Variants in ARB2A observed in about 807,000 individuals in gnomAD.
The protein encoded by ARB2A is cotranscriptional regulator ARB2A.
the ARB2A span, among the ~76,000 whole-genome samples, chr5:93,889,932 T>A: frequency 1.3e-5 from 2 of 151,890 alleles, no homozygotes; most frequent in Non-Finnish European, 2.9e-5. Context: ...AGCAAATAAG[T>A]TATAGTATGA....
the ARB2A span, chr5:93,741,736 C>A: frequency 2.7e-6 from 2 of 735,710 alleles, no homozygotes; most frequent in Non-Finnish European, 2.1e-6. Context: ...CTCCTGGGTC[C>A]TAGGGTTAAG....
chr5:93,994,080 G>A, the ARB2A span, among the ~76,000 whole-genome samples: 2 of 151,968 alleles, frequency 1.3e-5, no homozygotes, highest in South Asian at 2.1e-4. Flanking sequence ...AAAAATTGGT[G>A]TGGCCAATAT....
At chr5:93,839,918 T>C in the ARB2A span, among the ~76,000 whole-genome samples, 1 of 152,128 alleles carries the variant, frequency 6.6e-6, no homozygotes, top group African/African-American at 2.4e-5. Flanking sequence ...TTCTCTCTTA[T>C]TTTCATTATC....
the ARB2A span, among the ~76,000 whole-genome samples, chr5:93,826,405 G>A: frequency 1.3e-5 from 2 of 152,010 alleles, no homozygotes; most frequent in East Asian, 1.9e-4. Flanking sequence ...TTCTCTCTAT[G>A]TCTATCTGTC....
chr5:93,722,574 C>T, the ARB2A span, among the ~76,000 whole-genome samples: 9 of 152,136 alleles, frequency 5.9e-5, no homozygotes, highest in East Asian at 7.7e-4. Context: ...AAACTAACTA[C>T]AGGAACAACA....
chr5:94,106,619 T>G, the ARB2A span, among the ~76,000 whole-genome samples: 8 of 152,132 alleles, frequency 5.3e-5, no homozygotes, highest in Non-Finnish European at 7.4e-5. Flanking sequence ...GCAATCCCAT[T>G]CCTGGGTACC....
the ARB2A span, among the ~76,000 whole-genome samples, chr5:94,027,511 C>T: frequency 6.6e-6 from 1 of 152,102 alleles, no homozygotes; most frequent in Non-Finnish European, 1.5e-5. Flanking sequence ...AGGACTGGGT[C>T]TGGAGAACTT....
At chr5:93,916,292 A>AAT in the ARB2A span, among the ~76,000 whole-genome samples, 2 of 152,132 alleles carry the variant, frequency 1.3e-5, no homozygotes, top group East Asian at 3.8e-4. Context: ...ACTAAGTGAG[A>AAT]AACAGAAACT....
chr5:93,933,298 C>T, the ARB2A span, among the ~76,000 whole-genome samples: 1 of 152,162 alleles, frequency 6.6e-6, no homozygotes, highest in African/African-American at 2.4e-5. Flanking sequence ...TATCCCATGA[C>T]TGGGTATATA....
At chr5:93,991,360 A>G in the ARB2A span, among the ~76,000 whole-genome samples, 2 of 152,148 alleles carry the variant, frequency 1.3e-5, no homozygotes, top group African/African-American at 4.8e-5. Flanking sequence ...CCAGACACTC[A>G]TCAACATAAT....
chr5:93,851,403 C>T, the ARB2A span, among the ~76,000 whole-genome samples: 1 of 152,094 alleles, frequency 6.6e-6, no homozygotes, highest in Admixed American at 6.6e-5. Flanking sequence ...AATTTCAGTT[C>T]TCATAGAGAT....
At chr5:93,851,791 T>A in the ARB2A span, among the ~76,000 whole-genome samples, 2 of 152,192 alleles carry the variant, frequency 1.3e-5, no homozygotes, top group African/African-American at 4.8e-5. Flanking sequence ...ACTCATCATT[T>A]TTTATGGCTG....
chr5:93,623,596 TCTCTGCTTGATTAGTC>T, the ARB2A span, among the ~76,000 whole-genome samples: 1 of 152,186 alleles, frequency 6.6e-6, no homozygotes, highest in Non-Finnish European at 1.5e-5. Context: ...TTTTGATGAC[TCTCTGCTTGATTAGTC>T]CTGGACTGAA....
At chr5:93,755,549 A>C in the ARB2A span, among the ~76,000 whole-genome samples, 1 of 152,218 alleles carries the variant, frequency 6.6e-6, no homozygotes, top group Non-Finnish European at 1.5e-5. Flanking sequence ...GACAGCCCAA[A>C]TACTGAGTGC....
At chr5:93,851,349 A>G in the ARB2A span, among the ~76,000 whole-genome samples, 1 of 152,218 alleles carries the variant, frequency 6.6e-6, no homozygotes, top group Non-Finnish European at 1.5e-5. Context: ...GATATGACTT[A>G]TCCATTATAT....
the ARB2A span, among the ~76,000 whole-genome samples, chr5:93,838,554 A>G: frequency 2.0e-5 from 3 of 152,070 alleles, no homozygotes; most frequent in African/African-American, 7.2e-5. Context: ...GTATCAAAAA[A>G]AAAAAGGTTT....
the ARB2A span, among the ~76,000 whole-genome samples, chr5:94,051,053 A>G: frequency 6.6e-6 from 1 of 152,148 alleles, no homozygotes; most frequent in African/African-American, 2.4e-5. Flanking sequence ...CTTGACCTTC[A>G]TGTCTCTAAT....
At chr5:93,710,981 T>G in the ARB2A span, among the ~76,000 whole-genome samples, 1 of 152,200 alleles carries the variant, frequency 6.6e-6, no homozygotes, top group Non-Finnish European at 1.5e-5. Flanking sequence ...AGAGTGTATA[T>G]TCTGACAAGA....
the ARB2A span, among the ~76,000 whole-genome samples, chr5:94,027,584 G>A: frequency 7.9e-5 from 12 of 152,182 alleles, no homozygotes; most frequent in Non-Finnish European, 1.0e-4. Context: ...ACACACAGAC[G>A]CTGACAGGAA....
Sources: gnomAD v4.1 joint callset for allele counts (sites outside exome capture counted in the v4.1 genomes callset) on GRCh38, gnomAD v4.1.1 for gene constraint, MANE v1.5 for transcripts, NCBI Gene and HGNC (gene_info 2026-07-23, HGNC 2026-07-21) for gene names.